Variants in POLR3B observed in about 807,000 individuals in gnomAD.
POLR3B encodes the protein DNA-directed RNA polymerase III subunit RPC2.
A neutral mutation model predicts 147.4 loss-of-function variants in POLR3B; 96 were observed. That is an observed-to-expected ratio of 0.65 (90% CI 0.55 to 0.77). POLR3B has a LOEUF of 0.77. POLR3B is among the 30% of genes least tolerant of loss of function. The probability of loss-of-function intolerance (pLI) is 0.00; values close to 1 mark genes in which losing one functional copy is unlikely to be tolerated. For synonymous variants in POLR3B, 461 were observed against 485.9 expected (o/e 0.95, Z 0.67); for missense variants, 1,036 against 1,413.5 (o/e 0.73, Z 4.28).
At chr12:106,421,780 A>G (rs891144108) in intron 12 of POLR3B, among the ~76,000 whole-genome samples, 2 of 151,972 alleles carry the variant, frequency 1.3e-5, no homozygotes, top group African/African-American at 4.8e-5. Flanking sequence ...ACTCACTGCA[A>G]CCTCCACTTC....
intron 24 of POLR3B, 100 bp downstream of exon 24, chr12:106,496,258 T>A: frequency 1.2e-6 from 1 of 808,690 alleles, no homozygotes; most frequent in South Asian, 1.4e-5. Flanking sequence ...TCTGAAGCTG[T>A]TTTTTCAGGT....
chr12:106,422,318 G>A (rs1183165723), intron 12 of POLR3B, among the ~76,000 whole-genome samples: 1 of 152,166 alleles, frequency 6.6e-6, no homozygotes, highest in East Asian at 1.9e-4. Context: ...AGACATGCTT[G>A]CTTCCCCTTT....
intron 23 of POLR3B, among the ~76,000 whole-genome samples, chr12:106,491,322 CAAATT>C (rs2038406068): frequency 6.6e-6 from 1 of 152,156 alleles, no homozygotes; most frequent in Non-Finnish European, 1.5e-5. Context: ...AGCATTGAGT[CAAATT>C]AAAGTCACCC....
At chr12:106,440,135 C>T (rs2037630141) in intron 18 of POLR3B, among the ~76,000 whole-genome samples, 1 of 152,104 alleles carries the variant, frequency 6.6e-6, no homozygotes, top group African/African-American at 2.4e-5. Flanking sequence ...AATGACAGTT[C>T]CATCGTTGTA....
At chr12:106,480,592 A>T (rs991118768) in intron 23 of POLR3B, among the ~76,000 whole-genome samples, 2 of 152,218 alleles carry the variant, frequency 1.3e-5, no homozygotes, top group Non-Finnish European at 2.9e-5. Flanking sequence ...TGGGTCTCAG[A>T]TCAAGTACTC....
chr12:106,491,814 G>A (rs1418285507), intron 23 of POLR3B, among the ~76,000 whole-genome samples: 1 of 152,106 alleles, frequency 6.6e-6, no homozygotes, highest in East Asian at 1.9e-4. Flanking sequence ...CCCAGCAATT[G>A]AGGGAAATGA....
intron 23 of POLR3B, among the ~76,000 whole-genome samples, chr12:106,488,495 C>T (rs920315419): frequency 3.3e-5 from 5 of 152,182 alleles, no homozygotes; most frequent in Non-Finnish European, 5.9e-5. Context: ...GTCTTGAGCT[C>T]ATTTCCCAAG....
In POLR3B at chr12:106,504,158, G is replaced by T; in HGVS notation, c.3176G>T (p.Gly1059Val). Residue 1059 changes from glycine to valine, a missense_variant, in exon 27 of 28, where the codon GGA (glycine) becomes GTA (valine). Physicochemically the swap from Gly to Val is moderately radical, Grantham distance 109. Around this residue, in one of 12 missense-constraint regions of POLR3B, gnomAD observed 69 missense variants for 89.8 expected, o/e 0.77. Coordinates refer to ENST00000228347, the MANE Select transcript of POLR3B (RefSeq NM_018082.6). This position sits in a 1 kb window ranked among gnomAD's most constrained non-coding sequence, Gnocchi z 4.6. The stretch of plus-strand genomic sequence containing the variant: ...GAACGTGACTGTTTAATCGGTTATG[G>T]AGCCAGTATGCTTTTGCTAGAGAGA... ...EMERDCLIGYGASMLLLERLM... is the reference protein window; with the variant it reads ...EMERDCLIGYVASMLLLERLM... The T allele has an allele frequency of 6.2e-7, 1 of 1,614,152 alleles. No individual in the cohort carries two copies. The highest frequency in any genetic ancestry group is 8.5e-7 in the Non-Finnish European group (1 of 1,179,966).
chr12:106,492,507 G>C (rs1384997264), intron 23 of POLR3B, among the ~76,000 whole-genome samples: 6 of 152,200 alleles, frequency 3.9e-5, no homozygotes, highest in African/African-American at 1.4e-4. Flanking sequence ...CTGCACTCCA[G>C]CCTGGACAAG....
chr12:106,457,386 A>G, intron 21 of POLR3B, 90 bp downstream of exon 21: 1 of 1,060,842 alleles, frequency 9.4e-7, no homozygotes, highest in Non-Finnish European at 1.4e-6. Context: ...AAAAGGGCAG[A>G]AAAAAGTAAC....
chr12:106,452,998 G>C (rs754884953), intron 19 of POLR3B, among the ~76,000 whole-genome samples: 2 of 150,854 alleles, frequency 1.3e-5, no homozygotes, highest in Non-Finnish European at 3.0e-5. Context: ...TTTGCTGCTT[G>C]AATGGTTTAT....
At chr12:106,488,355 C>A (rs1047400282) in intron 23 of POLR3B, among the ~76,000 whole-genome samples, 1 of 152,148 alleles carries the variant, frequency 6.6e-6, no homozygotes, top group Non-Finnish European at 1.5e-5. Context: ...AAAATGCTGG[C>A]CAAGGTGAAA....
chr12:106,433,639 T>C (rs1447742330), intron 15 of POLR3B, 80 bp from the exon 16 acceptor site: 3 of 1,166,502 alleles, frequency 2.6e-6, no homozygotes, highest in Non-Finnish European at 3.7e-6. Flanking sequence ...TGCTGATTAC[T>C]ATTTTTATTG....
At chr12:106,452,225 ATTTTAACT>A (rs1273432846) in intron 19 of POLR3B, among the ~76,000 whole-genome samples, 1 of 152,234 alleles carries the variant, frequency 6.6e-6, no homozygotes, top group Admixed American at 6.5e-5. Context: ...CTATTTTAAC[ATTTTAACT>A]TACACACCCA....
chr12:106,396,106 G>C (rs543543690), intron 10 of POLR3B, among the ~76,000 whole-genome samples: 65 of 152,288 alleles, frequency 4.3e-4, no homozygotes, highest in Admixed American at 6.5e-4. Flanking sequence ...TGTAGCGGGG[G>C]ATAGGAGGCA....
At chr12:106,399,804 C>G (rs1035629912) in intron 10 of POLR3B, among the ~76,000 whole-genome samples, 1 of 152,100 alleles carries the variant, frequency 6.6e-6, no homozygotes, top group Non-Finnish European at 1.5e-5. Context: ...ACCAGGCCTG[C>G]CCTAAAAGAG....
chr12:106,373,085 G>T (rs1483094689), intron 6 of POLR3B, among the ~76,000 whole-genome samples: 1 of 152,156 alleles, frequency 6.6e-6, no homozygotes, highest in Admixed American at 6.5e-5. Context: ...GCCATTGTCT[G>T]TGTATTTCCT....
chr12:106,415,522 T>C (rs1359236954), intron 12 of POLR3B, among the ~76,000 whole-genome samples: 1 of 152,174 alleles, frequency 6.6e-6, no homozygotes, highest in Non-Finnish European at 1.5e-5. Flanking sequence ...AGCACTAGCA[T>C]GCTCCTAATT....
intron 9 of POLR3B, among the ~76,000 whole-genome samples, chr12:106,384,181 A>G (rs1431703136): frequency 1.3e-5 from 2 of 152,204 alleles, no homozygotes; most frequent in Non-Finnish European, 2.9e-5. Context: ...TTTGGAAAAA[A>G]CACAATATCT....
Sources: allele counts gnomAD v4.1 joint callset (sites outside exome capture counted in the v4.1 genomes callset), GRCh38; gene constraint gnomAD v4.1.1; regional missense constraint gnomAD v4.1.1; non-coding constraint Gnocchi (gnomAD v3.1); transcripts MANE v1.5; gene names NCBI Gene and HGNC (gene_info 2026-07-23, HGNC 2026-07-21).